NPAS3: variants seen among roughly 807,000 people sequenced by gnomAD.
NPAS3 encodes neuronal PAS domain-containing protein 3.
A neutral mutation model predicts 73.1 loss-of-function variants in NPAS3; 14 were observed. That is an observed-to-expected ratio of 0.19 (90% CI 0.13 to 0.30). The LOEUF is 0.30. Ranked by LOEUF, NPAS3 falls within the 10% of genes least tolerant of loss-of-function variation. The pLI is 1.00. For synonymous variants in NPAS3, 620 were observed against 541.5 expected, an observed-to-expected ratio of 1.14 and a Z score of -2.01; for missense variants, 1,096 against 1,250.0, an observed-to-expected ratio of 0.88 and a Z score of 1.86.
chr14:33,369,260 T>A (rs1327063091), intron 4 of NPAS3, among the ~76,000 whole-genome samples: 3 of 151,866 alleles, frequency 2.0e-5, no homozygotes. Flanking sequence ...CTGGATGCCA[T>A]TTGGAGTAGA....
At chr14:32,980,956 T>TAC (rs946923021) in intron 1 of NPAS3, among the ~76,000 whole-genome samples, 13 of 151,720 alleles carry the variant, frequency 8.6e-5, no homozygotes, top group South Asian at 2.1e-4. Context: ...CACACACACA[T>TAC]ACACACACAC....
chr14:33,653,150 A>G (rs1226229760), intron 5 of NPAS3, among the ~76,000 whole-genome samples: 1 of 152,178 alleles, frequency 6.6e-6, no homozygotes, highest in East Asian at 1.9e-4. Context: ...TCTCTTTGGG[A>G]AGCAAGTTGC....
chr14:33,634,843 T>C (rs547651716), intron 5 of NPAS3, among the ~76,000 whole-genome samples: 13 of 152,312 alleles, frequency 8.5e-5, no homozygotes, highest in Admixed American at 4.6e-4. Context: ...CAAGATTGTT[T>C]AAGGTGGTGG....
chr14:33,650,640 G>A (rs1329737080), intron 5 of NPAS3, among the ~76,000 whole-genome samples: 1 of 152,120 alleles, frequency 6.6e-6, no homozygotes, highest in Non-Finnish European at 1.5e-5. Context: ...CAAGGACCCT[G>A]CACTTAGGCT....
chr14:33,024,140 A>ATG (rs1266387755), intron 1 of NPAS3, among the ~76,000 whole-genome samples: 4 of 110,916 alleles, frequency 3.6e-5, no homozygotes, highest in African/African-American at 1.2e-4. Flanking sequence ...GTGTGTGTGT[A>ATG]TATGTGTGTG....
chr14:33,007,675 A>G (rs2039045213), intron 1 of NPAS3, among the ~76,000 whole-genome samples: 1 of 152,236 alleles, frequency 6.6e-6, no homozygotes, highest in Admixed American at 6.5e-5. Context: ...TATACTTTGT[A>G]TAAACAAAAG....
At chr14:33,448,720 C>G (rs188806786) in intron 4 of NPAS3, among the ~76,000 whole-genome samples, 1 of 152,154 alleles carries the variant, frequency 6.6e-6, no homozygotes, top group Non-Finnish European at 1.5e-5. Flanking sequence ...TCTGGATCCA[C>G]GATGAAAATA....
intron 1 of NPAS3, among the ~76,000 whole-genome samples, chr14:32,974,704 G>A (rs1190751716): frequency 6.6e-6 from 1 of 152,060 alleles, no homozygotes; most frequent in East Asian, 1.9e-4. Context: ...AGGCAGGAAG[G>A]GTGAGGGTAC....
intron 3 of NPAS3, among the ~76,000 whole-genome samples, chr14:33,245,723 G>GT (rs2048351657): frequency 6.6e-6 from 1 of 152,132 alleles, no homozygotes; most frequent in Admixed American, 6.5e-5. Context: ...AACACACTGT[G>GT]TTGAGGACCT....
At chr14:33,198,234 A>C (rs2046457219) in intron 2 of NPAS3, among the ~76,000 whole-genome samples, 2 of 152,202 alleles carry the variant, frequency 1.3e-5, no homozygotes, top group East Asian at 1.9e-4. Context: ...CAAAGCTTCC[A>C]CAGCATGGAA....
rs566274005 is a variant in NPAS3, at chr14:32,974,105, G to A, written c.50+34739G>A. ...TAGTACATGAATGGCTCTACAGAGT[G>A]TAGAAAGAGAACCTTCCAGAGGTCA... On this transcript the variant is annotated intron_variant, in intron 1 of 11. Coordinates refer to ENST00000356141, the Ensembl canonical transcript of NPAS3. Among the ~76,000 whole-genome samples the A allele has an allele frequency of 6.6e-5, 10 of 152,338 alleles. No homozygotes were observed. In the South Asian group the frequency reaches 2.1e-3, roughly 32 times the overall value.
chr14:33,801,196 G>C, downstream of NPAS3: 1 of 1,508,314 alleles, frequency 6.6e-7, no homozygotes, highest in South Asian at 1.3e-5. Context: ...CTAGCACTTT[G>C]AATTCGAGCA....
intron 5 of NPAS3, among the ~76,000 whole-genome samples, chr14:33,569,503 T>G (rs2056111095): frequency 6.6e-6 from 1 of 152,164 alleles, no homozygotes; most frequent in African/African-American, 2.4e-5. Context: ...CATCTAGGTT[T>G]TGGAGAAGCA....
intron 2 of NPAS3, among the ~76,000 whole-genome samples, chr14:33,203,987 G>T (rs534141411): frequency 3.3e-5 from 5 of 152,224 alleles, no homozygotes; most frequent in Admixed American, 2.0e-4. Flanking sequence ...CACCTGTTGT[G>T]TCCTGACTTT....
chr14:32,958,958 T>G (rs550932324), intron 1 of NPAS3, among the ~76,000 whole-genome samples: 1 of 151,840 alleles, frequency 6.6e-6, no homozygotes, highest in East Asian at 1.9e-4. Context: ...CTGGGCCACA[T>G]TGAAAGAAGA....
At chr14:32,985,100 A>G (rs1447890282) in intron 1 of NPAS3, among the ~76,000 whole-genome samples, 1 of 146,998 alleles carries the variant, frequency 6.8e-6, no homozygotes, top group African/African-American at 2.6e-5. Flanking sequence ...GTTGATATTC[A>G]TGGGGGCCAT....
intron 4 of NPAS3, among the ~76,000 whole-genome samples, chr14:33,507,265 T>A (rs1161765200): frequency 6.6e-6 from 1 of 151,984 alleles, no homozygotes; most frequent in African/African-American, 2.4e-5. Flanking sequence ...GGAGGAGAAA[T>A]GTCTCGTCTC....
At chr14:33,420,551 C>T (rs983944909) in intron 4 of NPAS3, among the ~76,000 whole-genome samples, 1 of 151,628 alleles carries the variant, frequency 6.6e-6, no homozygotes, top group African/African-American at 2.4e-5. Context: ...ATTAAGGCAA[C>T]ATATGGGCCT....
At chr14:33,768,906 A>G (rs1452352679) in intron 7 of NPAS3, among the ~76,000 whole-genome samples, 1 of 152,204 alleles carries the variant, frequency 6.6e-6, no homozygotes, top group Non-Finnish European at 1.5e-5. Context: ...ACTTAACTTT[A>G]CAAGGAAGCC....
Sources: gnomAD v4.1 joint callset for allele counts (sites outside exome capture counted in the v4.1 genomes callset) on GRCh38, gnomAD v4.1.1 for gene constraint, MANE v1.5 for transcripts, NCBI Gene and HGNC (gene_info 2026-07-23, HGNC 2026-07-21) for gene names.